HS3ST4: variants seen among roughly 807,000 people sequenced by gnomAD.
HS3ST4 encodes heparan sulfate glucosamine 3-O-sulfotransferase 4.
HS3ST4 carries 17 observed loss-of-function variants against 29.2 expected under a neutral mutation model. The ratio of observed to expected loss-of-function variants is 0.58; its 90% CI spans 0.40 to 0.87. The LOEUF is 0.87. HS3ST4 is among the 40% of genes least tolerant of loss of function. The pLI, the probability that HS3ST4 is intolerant of heterozygous loss-of-function variation, is 0.00. For synonymous variants in HS3ST4, 314 were observed against 285.7 expected (o/e 1.10, Z -1.00); for missense variants, 627 against 634.5 (o/e 0.99, Z 0.13).
intron 1 of HS3ST4, among the ~76,000 whole-genome samples, chr16:26,044,596 C>T (rs111886756): frequency 1.4e-4 from 21 of 152,168 alleles, no homozygotes; most frequent in African/African-American, 5.1e-4. Flanking sequence ...TTTATTGTAT[C>T]TCTTGTTAAT....
At chr16:25,889,836 G>A (rs1183960279) in intron 1 of HS3ST4, among the ~76,000 whole-genome samples, 2 of 152,094 alleles carry the variant, frequency 1.3e-5, no homozygotes, top group East Asian at 1.9e-4. Context: ...GGGTTTTCCT[G>A]TGCTGTTCTC....
chr16:26,125,506 G>A (rs886462341), intron 1 of HS3ST4, among the ~76,000 whole-genome samples: 7 of 152,188 alleles, frequency 4.6e-5, no homozygotes, highest in African/African-American at 1.4e-4. Context: ...GTATAGCCCC[G>A]CTCCTAACAG....
intron 1 of HS3ST4, among the ~76,000 whole-genome samples, chr16:25,875,106 T>C (rs1416697472): frequency 2.0e-5 from 3 of 152,282 alleles, no homozygotes; most frequent in East Asian, 3.9e-4. Context: ...GTCACTGCTC[T>C]CACAGAGGCT....
intron 1 of HS3ST4, among the ~76,000 whole-genome samples, chr16:25,962,757 G>A (rs1404634400): frequency 1.3e-5 from 2 of 152,104 alleles, no homozygotes; most frequent in African/African-American, 2.4e-5. Context: ...TGTTCCATTC[G>A]GAATAAGATA....
intron 1 of HS3ST4, among the ~76,000 whole-genome samples, chr16:26,005,970 G>A (rs1218534637): frequency 6.6e-6 from 1 of 152,082 alleles, no homozygotes; most frequent in Non-Finnish European, 1.5e-5. Context: ...CTCTTTAGAG[G>A]AAAATCACAA....
At chr16:26,127,652 C>T (rs932389661) in intron 1 of HS3ST4, among the ~76,000 whole-genome samples, 3 of 152,180 alleles carry the variant, frequency 2.0e-5, no homozygotes, top group Admixed American at 1.3e-4. Flanking sequence ...GACTCTGCCA[C>T]ATACGAGCTG....
chr16:25,839,845 C>G (rs117892836), intron 1 of HS3ST4, among the ~76,000 whole-genome samples: 9 of 152,206 alleles, frequency 5.9e-5, no homozygotes, highest in South Asian at 4.1e-4. Context: ...ATCAGCACTG[C>G]GAACTTTATG....
chr16:25,935,888 CA>C (rs1377432302), intron 1 of HS3ST4, among the ~76,000 whole-genome samples: 4 of 151,548 alleles, frequency 2.6e-5, no homozygotes, highest in Non-Finnish European at 4.4e-5. Context: ...TTCTGGGACT[CA>C]AAAAAGTATA....
intron 1 of HS3ST4, among the ~76,000 whole-genome samples, chr16:25,908,206 A>G (rs1968198193): frequency 6.6e-6 from 1 of 152,230 alleles, no homozygotes; most frequent in Non-Finnish European, 1.5e-5. Flanking sequence ...TCTGCCACAG[A>G]TGAGAACCTA....
chr16:26,040,660 G>A (rs1451167732), intron 1 of HS3ST4, among the ~76,000 whole-genome samples: 2 of 127,566 alleles, frequency 1.6e-5, no homozygotes, highest in Non-Finnish European at 3.8e-5. Context: ...GAACACTTGT[G>A]GGGTGTTCAT....
intron 1 of HS3ST4, among the ~76,000 whole-genome samples, chr16:26,107,259 AC>A (rs1899069158): frequency 1.3e-5 from 2 of 152,130 alleles, no homozygotes; most frequent in South Asian, 2.1e-4. Flanking sequence ...CTACACACAC[AC>A]ACACATATAT....
intron 1 of HS3ST4, among the ~76,000 whole-genome samples, chr16:25,801,788 A>G (rs563978291): frequency 6.6e-6 from 1 of 152,290 alleles, no homozygotes; most frequent in East Asian, 1.9e-4. Flanking sequence ...GCCTCTTACA[A>G]TATAGGTTAC....
intron 1 of HS3ST4, among the ~76,000 whole-genome samples, chr16:26,103,201 C>T (rs1214115098): frequency 1.3e-5 from 2 of 152,096 alleles, no homozygotes; most frequent in Non-Finnish European, 2.9e-5. Flanking sequence ...TACACAGTTA[C>T]CTTATTTAAC....
intron 1 of HS3ST4, among the ~76,000 whole-genome samples, chr16:25,851,355 A>G (rs954858805): frequency 1.3e-5 from 2 of 152,114 alleles, no homozygotes; most frequent in African/African-American, 2.4e-5. Context: ...TCCCATCTCT[A>G]TGAGCATTCC....
At chr16:25,776,435 A>G (rs1440292191) in intron 1 of HS3ST4, among the ~76,000 whole-genome samples, 1 of 152,166 alleles carries the variant, frequency 6.6e-6, no homozygotes, top group Non-Finnish European at 1.5e-5. Context: ...TATGACCTGG[A>G]AGCCACCTCC....
rs189455432 is a variant in HS3ST4, at chr16:25,743,356, A to G, written c.734+50205A>G. ...CCTGTGAATGAAATGAATTAAACAT[A>G]TAAAGCACTCAGAATAGTGTTATCA... is the stretch of plus-strand genomic sequence containing the variant. On this transcript the variant is annotated intron_variant, in intron 1 of 1. Coordinates refer to ENST00000331351, the MANE Select transcript of HS3ST4 (RefSeq NM_006040.3). 8.5e-5 allele frequency among the ~76,000 whole-genome samples: 13 copies of G among 152,342 alleles called. No individual in the cohort carries two copies. The East Asian group carries it at 2.1e-3, about 25-fold the overall frequency.
intron 1 of HS3ST4, among the ~76,000 whole-genome samples, chr16:25,775,823 T>G (rs1966847102): frequency 6.6e-6 from 1 of 152,258 alleles, no homozygotes; most frequent in African/African-American, 2.4e-5. Context: ...GTGAATCCAC[T>G]TTCTTTTTGT....
intron 1 of HS3ST4, among the ~76,000 whole-genome samples, chr16:25,703,261 A>G (rs1486757945): frequency 6.6e-6 from 1 of 152,194 alleles, no homozygotes; most frequent in East Asian, 1.9e-4. Flanking sequence ...GAGACAAACC[A>G]TGGTTATTTT....
In HS3ST4 at chr16:25,985,248, G is replaced by A. The variant is rs150301058; in HGVS notation, c.735-150364G>A. On this transcript the variant is annotated intron_variant, in intron 1 of 1. Transcript: ENST00000331351. ...ACCCAGTTCAGTGCCTGGCATTGGA[G>A]AGTTGTTCAATGCAGGTGAATTGAG... Among the ~76,000 whole-genome samples, 926 of 152,318 alleles carry A rather than the reference G, an allele frequency of 6.1e-3. 10 individuals carry two copies. Among genetic ancestry groups the A allele is most frequent in the African/African-American group, 0.021 (878 of 41,566 alleles).
Sources: allele counts gnomAD v4.1 joint callset (sites outside exome capture counted in the v4.1 genomes callset), GRCh38; gene constraint gnomAD v4.1.1; transcripts MANE v1.5; gene names NCBI Gene and HGNC (gene_info 2026-07-23, HGNC 2026-07-21).